Variants in SEC24A observed in about 807,000 individuals in gnomAD.
The protein encoded by SEC24A is SEC24 homolog A, COPII component.
SEC24A carries 93 observed loss-of-function variants against 129.4 expected under a neutral mutation model. That is an observed-to-expected ratio of 0.72 (90% CI 0.61 to 0.85). The LOEUF is 0.85. Ranked by LOEUF, SEC24A falls within the 40% of genes least tolerant of loss-of-function variation. The pLI is 0.00. For missense variants in SEC24A, 1,264 were observed against 1,307.4 expected, an observed-to-expected ratio of 0.97 and a Z score of 0.51; for synonymous variants, 460 against 467.3, an observed-to-expected ratio of 0.98 and a Z score of 0.20.
rs1561830174 is a variant in SEC24A, at chr5:134,708,888, G to A, written c.2727G>A (p.Gln909=). The part of the protein sequence containing the change: ...FPLFVLALLK[Q]KSFQTGTNAR... Reference sequence around the variant, plus strand: ...TTTTTGTGTTGGCTCTCCTTAAACAGGTAAGAAAAACAGATATAGAAACTA... The same window carrying A: ...TTTTTGTGTTGGCTCTCCTTAAACAAGTAAGAAAAACAGATATAGAAACTA... Residue 909 remains glutamine, a splice_region_variant and synonymous_variant, in exon 18 of 23, where the codon CAG becomes CAA. Transcript: ENST00000398844. The A allele has an allele frequency of 6.2e-7, 1 of 1,611,412 alleles. No individual in the cohort carries two copies. Among genetic ancestry groups the A allele is most frequent in the Non-Finnish European group, 8.5e-7 (1 of 1,179,288 alleles).
chr5:134,721,012 G>T lies in SEC24A; in HGVS notation c.2985G>T (p.Trp995Cys). The change falls in exon 21 of 23, where the codon TGG (tryptophan) becomes TGT (cysteine). Residue 995 changes from tryptophan to cysteine, a missense_variant. Physicochemically the swap from Trp to Cys is radical, Grantham distance 215. Transcript: ENST00000398844. ...LMDAGSVLMLWVGKNCTQNFL... is the reference protein window; with the variant it reads ...LMDAGSVLMLCVGKNCTQNFL... ...CCTGTCCCTAGGTACTGATGCTTTG[G>T]GTTGGAAAAAATTGTACACAGAATT... 6.2e-7 allele frequency: 1 copy of T among 1,610,022 alleles called. No individual in the cohort carries two copies. The highest frequency in any genetic ancestry group is 8.5e-7 in the Non-Finnish European group (1 of 1,176,572).
In SEC24A at chr5:134,696,798, A is replaced by AT. The variant is rs1554140627; in HGVS notation, c.1987-313dup. ...CAGGCGTGAGCCACCGCACCCGGCC[A>AT]TTTTTTTTTTTTTTTAAATAAATAA... On this transcript the variant is annotated intron_variant, in intron 13 of 22. Coordinates refer to ENST00000398844, the MANE Select transcript of SEC24A (RefSeq NM_021982.3). 3.2e-3 allele frequency among the ~76,000 whole-genome samples: 449 copies of AT among 139,326 alleles called. 2 individuals carry two copies. Among genetic ancestry groups the AT allele is most frequent in the African/African-American group, 5.3e-3 (204 of 38,166 alleles). 91.4% of individuals were successfully genotyped at this position (139,326 alleles called of 152,430 possible).
At chr5:134,676,438 CTTT>C (rs34581398) in intron 7 of SEC24A, among the ~76,000 whole-genome samples, 1 of 84,182 alleles carries the variant, frequency 1.2e-5, no homozygotes, top group Non-Finnish European at 2.2e-5. Flanking sequence ...GCGCCCGGCT[CTTT>C]TTTTTTTTTT....
At chr5:134,694,415 T>G (rs2150098220) in intron 13 of SEC24A, among the ~76,000 whole-genome samples, 1 of 152,044 alleles carries the variant, frequency 6.6e-6, no homozygotes, top group African/African-American at 2.4e-5. Context: ...ATCCCAGCAC[T>G]TTGGGAGGCT....
chr5:134,659,971 C>T (rs1488509436), intron 1 of SEC24A, among the ~76,000 whole-genome samples: 1 of 151,986 alleles, frequency 6.6e-6, no homozygotes, highest in Non-Finnish European at 1.5e-5. Flanking sequence ...TCTTTATTGG[C>T]CTGTCAAATT....
intron 20 of SEC24A, among the ~76,000 whole-genome samples, chr5:134,719,457 C>T (rs190759311): frequency 4.6e-5 from 7 of 151,724 alleles, no homozygotes; most frequent in South Asian, 4.2e-4. Flanking sequence ...TTTGGGAGGC[C>T]GAGGATGGCA....
chr5:134,708,677 A>C (rs748057625), intron 17 of SEC24A, 36 bp from the exon 18 acceptor site: 1 of 1,574,156 alleles, frequency 6.4e-7, no homozygotes, highest in Admixed American at 1.9e-5. Context: ...AACTTCTATC[A>C]TATTTCTTTT....
intron 3 of SEC24A, among the ~76,000 whole-genome samples, chr5:134,668,081 G>T (rs537286045): frequency 1.3e-5 from 2 of 151,304 alleles, no homozygotes; most frequent in Admixed American, 6.6e-5. Flanking sequence ...TGGTGTGCTG[G>T]CATGTGCCTG....
intron 9 of SEC24A, among the ~76,000 whole-genome samples, chr5:134,682,808 C>G (rs1751322040): frequency 1.3e-5 from 2 of 152,178 alleles, no homozygotes; most frequent in African/African-American, 4.8e-5. Context: ...CTCGAGTGAT[C>G]TGCCCACCTT....
At chr5:134,650,761 T>TTTTGTTTG (rs57886709) in intron 1 of SEC24A, among the ~76,000 whole-genome samples, 118 of 151,868 alleles carry the variant, frequency 7.8e-4, no homozygotes, top group South Asian at 2.9e-3. Flanking sequence ...CTACAGGGTT[T>TTTTGTTTG]TTTGTTTGTT....
intron 2 of SEC24A, among the ~76,000 whole-genome samples, chr5:134,661,825 T>C (rs2150072602): frequency 6.8e-6 from 1 of 146,216 alleles, no homozygotes; most frequent in Non-Finnish European, 1.5e-5. Flanking sequence ...TTTTCTCTTT[T>C]TTTTTTTTTT....
At chr5:134,721,499 AT>A (rs1752626616) in intron 21 of SEC24A, among the ~76,000 whole-genome samples, 1 of 148,738 alleles carries the variant, frequency 6.7e-6, no homozygotes, top group Non-Finnish European at 1.5e-5. Flanking sequence ...GGAGGTGGAC[AT>A]TGCAGTGAGC....
intron 3 of SEC24A, among the ~76,000 whole-genome samples, chr5:134,667,505 G>A (rs1253499260): frequency 6.6e-6 from 1 of 151,696 alleles, no homozygotes; most frequent in Non-Finnish European, 1.5e-5. Context: ...AAAAAAATTA[G>A]CCAGGCGTGG....
At chr5:134,693,526 A>G in intron 12 of SEC24A, 1 of 1,425,532 alleles carries the variant, frequency 7.0e-7, no homozygotes, top group Non-Finnish European at 9.1e-7. Flanking sequence ...GTAAGGCCCA[A>G]CTTTGATTTG....
intron 2 of SEC24A, among the ~76,000 whole-genome samples, chr5:134,664,109 CA>C (rs11433266): frequency 7.9e-4 from 109 of 137,714 alleles, no homozygotes; most frequent in African/African-American, 2.0e-3. Context: ...GACTCCATCT[CA>C]AAAAAAAAAA....
intron 11 of SEC24A, among the ~76,000 whole-genome samples, chr5:134,689,654 G>A (rs1282509297): frequency 2.0e-5 from 3 of 151,946 alleles, no homozygotes; most frequent in African/African-American, 4.8e-5. Context: ...CCAGCTACTC[G>A]GGAGGCTGAG....
chr5:134,716,478 A>AG (rs1245220859), intron 19 of SEC24A, among the ~76,000 whole-genome samples: 1 of 151,286 alleles, frequency 6.6e-6, no homozygotes, highest in Non-Finnish European at 1.5e-5. Context: ...AAAAAAAAAA[A>AG]AAAAAAAACC....
chr5:134,717,651 G>T (rs1245786532), intron 19 of SEC24A, among the ~76,000 whole-genome samples: 1 of 151,594 alleles, frequency 6.6e-6, no homozygotes, highest in Non-Finnish European at 1.5e-5. Context: ...GGGTGCGGTA[G>T]CTCACGCCTG....
intron 13 of SEC24A, among the ~76,000 whole-genome samples, chr5:134,694,579 G>A (rs1169153950): frequency 7.9e-5 from 12 of 151,910 alleles, no homozygotes; most frequent in African/African-American, 1.7e-4. Flanking sequence ...CCCGGGAGGC[G>A]GAGCTTGCAG....
Sources: gnomAD v4.1 joint callset for allele counts (sites outside exome capture counted in the v4.1 genomes callset) on GRCh38, gnomAD v4.1.1 for gene constraint, MANE v1.5 for transcripts, NCBI Gene and HGNC (gene_info 2026-07-23, HGNC 2026-07-21) for gene names.